ANKRD30B: variants seen among roughly 807,000 people sequenced by gnomAD.
ANKRD30B encodes the protein ankyrin repeat domain 30B.
ANKRD30B carries 144 observed loss-of-function variants against 202.2 expected under a neutral mutation model. The observed-to-expected ratio is 0.71, with a 90% confidence interval of 0.62 to 0.82. The LOEUF (loss-of-function observed/expected upper bound fraction) is 0.82, where lower values mean the gene tolerates loss of function less well. ANKRD30B is among the 40% of genes least tolerant of loss of function. ANKRD30B has a pLI of 0.00. For missense variants in ANKRD30B, 1,487 were observed against 1,669.1 expected (o/e 0.89, Z 1.90); for synonymous variants, 508 against 561.3 (o/e 0.91, Z 1.34).
chr18:14,883,335 G>A, the ANKRD30B span, among the ~76,000 whole-genome samples: 1 of 67,348 alleles, frequency 1.5e-5, no homozygotes, highest in Admixed American at 1.3e-4. Context: ...CTCTCTCTCT[G>A]TCTCTCTCTC....
chr18:14,896,137 T>A, the ANKRD30B span, among the ~76,000 whole-genome samples: 1 of 138,346 alleles, frequency 7.2e-6, no homozygotes, highest in African/African-American at 2.8e-5. Flanking sequence ...TATCTGCTCA[T>A]TTTTTTTTTT....
intron 9 of ANKRD30B, among the ~76,000 whole-genome samples, chr18:14,776,274 G>A (rs1380674198): frequency 1.3e-5 from 2 of 152,172 alleles, no homozygotes; most frequent in East Asian, 3.8e-4. Context: ...GAGGGATTAT[G>A]CTGTAGTAGT....
chr18:14,777,989 T>C lies in ANKRD30B; in HGVS notation c.1334T>C (p.Ile445Thr). 6.5e-7 allele frequency: 1 copy of C among 1,540,638 alleles called. No individual in the cohort carries two copies. Among genetic ancestry groups the C allele is most frequent in the Non-Finnish European group, 8.8e-7 (1 of 1,140,544 alleles). Residue 445 changes from isoleucine (I) to threonine (T), a missense_variant, in exon 10 of 44, where the codon ATC (isoleucine) becomes ACC (threonine). Around this residue, in one of 6 missense-constraint regions of ANKRD30B, gnomAD observed 889 missense variants for 841.4 expected, o/e 1.06. Transcript: ENST00000690538. The stretch of plus-strand genomic sequence containing the variant: ...TATTGGTATTACCTTTAACAGATTA[T>C]CTCTAAGAGTGCTGCACAGAATTAT... ...EEDFNLATKI[I>T]SKSAAQNYTC... is the part of the protein sequence containing the mutation.
chr18:14,910,255 T>C, the ANKRD30B span: 1 of 151,946 alleles, frequency 6.6e-6, no homozygotes, highest in Non-Finnish European at 1.5e-5. Context: ...CCTTTTGTAG[T>C]CTCCGAAGTC....
intron 40 of ANKRD30B, 111 bp downstream of exon 40, chr18:14,849,040 C>T (rs1295827448): frequency 7.6e-7 from 1 of 1,323,704 alleles, no homozygotes. Context: ...AGAAAAAAAT[C>T]TGTCTTGTAG....
In ANKRD30B at chr18:14,757,943, G is replaced by A. The variant is rs757904725; in HGVS notation, c.746G>A (p.Gly249Glu). 3.8e-6 allele frequency: 6 copies of A among 1,591,822 alleles called. No individual in the cohort carries two copies. In the South Asian group the frequency reaches 6.8e-5, roughly 18 times the overall value. Residue 249 changes from glycine (G) to glutamate (E), a missense_variant, in exon 5 of 44, where the codon GGA (glycine) becomes GAA (glutamate). Around this residue, in one of 6 missense-constraint regions of ANKRD30B, gnomAD observed 889 missense variants for 841.4 expected, o/e 1.06. Transcript: ENST00000690538. ...ITAERYAAAC[G>E]VNYIHQQLLE... ...GCAGAACGTTATGCTGCTGCTTGTG[G>A]AGTTAATTAGTAAGTGTTTACATTT...
At chr18:14,749,369 G>A (rs114879732) in intron 1 of ANKRD30B, among the ~76,000 whole-genome samples, 2 of 151,960 alleles carry the variant, frequency 1.3e-5, no homozygotes, top group East Asian at 1.9e-4. Context: ...ATCAAAATGC[G>A]CTATTAATTT....
intron 7 of ANKRD30B, among the ~76,000 whole-genome samples, chr18:14,767,408 T>C (rs931056699): frequency 6.6e-6 from 1 of 152,210 alleles, no homozygotes; most frequent in African/African-American, 2.4e-5. Context: ...AAATTAAGAA[T>C]AACTCATGAT....
At chr18:14,839,605 C>A (rs530430879) in intron 36 of ANKRD30B, among the ~76,000 whole-genome samples, 1 of 152,156 alleles carries the variant, frequency 6.6e-6, no homozygotes, top group African/African-American at 2.4e-5. Flanking sequence ...TGAAGGCTTG[C>A]TCTACTTTTC....
chr18:14,822,743 C>G, intron 32 of ANKRD30B, 66 bp downstream of exon 32: 2 of 1,277,322 alleles, frequency 1.6e-6, no homozygotes, highest in Non-Finnish European at 2.1e-6. Context: ...GTGCCAAGAG[C>G]CTTTTTATTC....
intron 16 of ANKRD30B, among the ~76,000 whole-genome samples, chr18:14,794,701 A>G (rs894665030): frequency 6.6e-6 from 1 of 152,188 alleles, no homozygotes; most frequent in African/African-American, 2.4e-5. Flanking sequence ...TCTAAAACAC[A>G]TACCTGCAAC....
Position 14,825,994 on chromosome 18 carries a change from C to T in ANKRD30B, c.2744-2284C>T, listed in dbSNP as rs910155324. On this transcript the variant is annotated intron_variant, in intron 32 of 43. Coordinates refer to ENST00000690538, the MANE Select transcript of ANKRD30B (RefSeq NM_001367607.2). The stretch of plus-strand genomic sequence containing the variant: ...GCAAACAGTCATGGGACAGACCAAC[C>T]GTTTTCTTTACATATTGAGTTCAAT... Among the ~76,000 whole-genome samples, 44 of 152,026 alleles carry T rather than the reference C, an allele frequency of 2.9e-4. 1 individual carries two copies. The highest frequency in any genetic ancestry group is 1.8e-4 in the Non-Finnish European group (12 of 68,010).
intron 32 of ANKRD30B, among the ~76,000 whole-genome samples, chr18:14,826,709 A>G (rs1970682762): frequency 6.6e-6 from 1 of 151,110 alleles, no homozygotes; most frequent in South Asian, 2.1e-4. Flanking sequence ...ACACACACAC[A>G]CACACACACA....
intron 5 of ANKRD30B, among the ~76,000 whole-genome samples, chr18:14,758,608 CT>C (rs1389545553): frequency 3.8e-4 from 58 of 152,320 alleles, no homozygotes; most frequent in African/African-American, 1.3e-3. Context: ...GCACCCTGCT[CT>C]GGCAGCTAGG....
chr18:14,872,100 C>T, the ANKRD30B span, among the ~76,000 whole-genome samples: 3 of 152,150 alleles, frequency 2.0e-5, no homozygotes, highest in South Asian at 6.2e-4. Flanking sequence ...GAAGCAGACA[C>T]CAGAACCAGA....
In ANKRD30B at chr18:14,757,948, A is replaced by G; in HGVS notation, c.751A>G (p.Asn251Asp). 1.3e-6 allele frequency: 2 copies of G among 1,588,066 alleles called. No homozygotes were observed. The highest frequency in any genetic ancestry group is 4.6e-5 in the East Asian group (2 of 43,946). The change falls in exon 5 of 44, where the codon AAT (asparagine) becomes GAT (aspartate). Residue 251 changes from asparagine (N) to aspartate (D), a missense_variant. By Grantham distance (23) the Asn-to-Asp change is conservative. This residue lies in a region of ANKRD30B where 889 missense variants were observed against 841.4 expected (regional missense o/e 1.06). Transcript: ENST00000690538. The part of the protein sequence containing the change: ...AERYAAACGV[N>D]YIHQQLLEHI... ...ACGTTATGCTGCTGCTTGTGGAGTT[A>G]ATTAGTAAGTGTTTACATTTAAAGG...
Position 14,796,403 on chromosome 18 carries a change from A to G in ANKRD30B, c.1915A>G (p.Thr639Ala). The change falls in exon 18 of 44, where the codon ACA becomes GCA. Residue 639 changes from threonine to alanine, a missense_variant. Transcript: ENST00000690538. ...NKALELKDRE[T>A]FKAESPDKDG... is the part of the protein sequence containing the mutation. Reference sequence around the variant, plus strand: ...AGCCTTAGAATTAAAGGACAGAGAAACATTCAAAGCAGGTAAATTTTGTAA... The same window carrying G: ...AGCCTTAGAATTAAAGGACAGAGAAGCATTCAAAGCAGGTAAATTTTGTAA... 1 of 1,553,572 alleles carries G rather than the reference A, an allele frequency of 6.4e-7. No individual in the cohort carries two copies. Among genetic ancestry groups the G allele is most frequent in the South Asian group, 1.2e-5 (1 of 84,476 alleles).
chr18:14,842,561 T>C (rs1971461480), intron 37 of ANKRD30B, among the ~76,000 whole-genome samples: 1 of 152,224 alleles, frequency 6.6e-6, no homozygotes. Context: ...TTGACATTTA[T>C]TTTTTCTGGG....
At chr18:14,833,334 C>T (rs1445376864) in intron 34 of ANKRD30B, among the ~76,000 whole-genome samples, 2 of 151,944 alleles carry the variant, frequency 1.3e-5, no homozygotes, top group Non-Finnish European at 2.9e-5. Context: ...TTGCAAGCCC[C>T]ACCTCCCGGG....
Sources: allele counts gnomAD v4.1 joint callset (sites outside exome capture counted in the v4.1 genomes callset), GRCh38; gene constraint gnomAD v4.1.1; regional missense constraint gnomAD v4.1.1; transcripts MANE v1.5; gene names NCBI Gene and HGNC (gene_info 2026-07-23, HGNC 2026-07-21).